BAZ2B: variants seen among roughly 807,000 people sequenced by gnomAD.
BAZ2B encodes bromodomain adjacent to zinc finger domain protein 2B.
BAZ2B carries 91 observed loss-of-function variants against 246.0 expected under a neutral mutation model. That is an observed-to-expected ratio of 0.37 (90% CI 0.31 to 0.44). The LOEUF (loss-of-function observed/expected upper bound fraction) is 0.44, where lower values mean the gene tolerates loss of function less well. BAZ2B is among the 20% of genes least tolerant of loss of function. BAZ2B has a pLI of 1.00. For synonymous variants in BAZ2B, 855 were observed against 860.0 expected (o/e 0.99, Z 0.10); for missense variants, 2,332 against 2,533.7 (o/e 0.92, Z 1.71).
intron 1 of BAZ2B, among the ~76,000 whole-genome samples, chr2:159,597,630 G>A (rs367817231): frequency 4.6e-5 from 7 of 152,116 alleles, no homozygotes; most frequent in Non-Finnish European, 8.8e-5. Context: ...AGGTTCAAGC[G>A]ATTCTCCTGC....
At chr2:159,390,924 C>T (rs1476978473) in intron 20 of BAZ2B, among the ~76,000 whole-genome samples, 1 of 151,982 alleles carries the variant, frequency 6.6e-6, no homozygotes, top group African/African-American at 2.4e-5. Flanking sequence ...TTAATTTTAC[C>T]AATTATAAAC....
At chr2:159,461,380 G>A (rs1168615005) in intron 3 of BAZ2B, 3 of 152,630 alleles carry the variant, frequency 2.0e-5, no homozygotes, top group Admixed American at 1.3e-4. Flanking sequence ...CTGAGGAAGA[G>A]TAATCTGAAA....
the BAZ2B span, among the ~76,000 whole-genome samples, chr2:159,692,210 A>G: frequency 1.3e-5 from 2 of 151,842 alleles, no homozygotes; most frequent in African/African-American, 4.8e-5. Context: ...GCTAGAGTGC[A>G]GTGGCACAAT....
intron 2 of BAZ2B, among the ~76,000 whole-genome samples, chr2:159,502,747 C>A (rs182663272): frequency 6.6e-6 from 1 of 152,272 alleles, no homozygotes; most frequent in East Asian, 1.9e-4. Context: ...GACTCTATAT[C>A]CAAGACCAAA....
At chr2:159,590,224 A>C (rs1442547030) in intron 1 of BAZ2B, among the ~76,000 whole-genome samples, 8 of 104,156 alleles carry the variant, frequency 7.7e-5, no homozygotes, top group Admixed American at 3.6e-4. Context: ...AAAAAAAAAA[A>C]AAAAAAACAA....
intron 2 of BAZ2B, among the ~76,000 whole-genome samples, chr2:159,481,404 A>G (rs1375933121): frequency 6.6e-6 from 1 of 151,524 alleles, no homozygotes; most frequent in East Asian, 1.9e-4. Context: ...CATCTACCCT[A>G]GAACTTAAAG....
chr2:159,446,774 C>A lies in BAZ2B; in HGVS notation c.696+8G>T. On this transcript the variant is annotated splice_region_variant and intron_variant, in intron 6 of 36. Coordinates refer to ENST00000392783, the MANE Select transcript of BAZ2B (RefSeq NM_013450.4). The stretch of plus-strand genomic sequence containing the variant: ...TGTTATATATTAGTCCTTCCAAGTA[C>A]AACTTACCTTATCTTTGATTTTGTC... 6.3e-7 allele frequency: 1 copy of A among 1,596,842 alleles called. No homozygotes were observed. The highest frequency in any genetic ancestry group is 1.7e-5 in the Admixed American group (1 of 58,428).
At chr2:159,492,092 A>T (rs974190979) in intron 2 of BAZ2B, among the ~76,000 whole-genome samples, 1 of 152,152 alleles carries the variant, frequency 6.6e-6, no homozygotes, top group Non-Finnish European at 1.5e-5. Flanking sequence ...TTATTTCTCA[A>T]AACTTACTTT....
the BAZ2B span, among the ~76,000 whole-genome samples, chr2:159,682,192 T>C: frequency 2.6e-5 from 2 of 75,576 alleles, no homozygotes; most frequent in Non-Finnish European, 6.6e-5. Context: ...GCTCAGGCTC[T>C]TTTTTTTTTT....
chr2:159,690,796 G>C, the BAZ2B span, among the ~76,000 whole-genome samples: 1 of 152,120 alleles, frequency 6.6e-6, no homozygotes, highest in African/African-American at 2.4e-5. Context: ...CCCTGCTCTA[G>C]GGTTTTCCAG....
chr2:159,560,891 T>C (rs1172497088), intron 1 of BAZ2B, among the ~76,000 whole-genome samples: 1 of 152,098 alleles, frequency 6.6e-6, no homozygotes, highest in Non-Finnish European at 1.5e-5. Flanking sequence ...TTATTCAGTA[T>C]GGAAAAAAAA....
intron 27 of BAZ2B, among the ~76,000 whole-genome samples, chr2:159,356,084 G>T (rs969945478): frequency 5.9e-5 from 9 of 152,214 alleles, no homozygotes; most frequent in African/African-American, 2.2e-4. Context: ...CACTGAGCTA[G>T]CTGCAAGAGT....
chr2:159,585,022 AGAACCAT>A (rs1219185235), intron 1 of BAZ2B, among the ~76,000 whole-genome samples: 1 of 152,232 alleles, frequency 6.6e-6, no homozygotes, highest in African/African-American at 2.4e-5. Context: ...TACAGCCTGC[AGAACCAT>A]AAGCCACTTA....
intron 2 of BAZ2B, among the ~76,000 whole-genome samples, chr2:159,499,476 A>G (rs550794369): frequency 1.3e-5 from 2 of 152,322 alleles, no homozygotes; most frequent in East Asian, 1.9e-4. Flanking sequence ...TAGTGCTGCA[A>G]TGAACATACA....
intron 13 of BAZ2B, among the ~76,000 whole-genome samples, chr2:159,420,553 A>T (rs2068568419): frequency 6.6e-6 from 1 of 152,146 alleles, no homozygotes; most frequent in African/African-American, 2.4e-5. Flanking sequence ...GAAAGAAATA[A>T]ACTTAAGGTC....
At chr2:159,513,327 T>C (rs1270794155) in intron 2 of BAZ2B, among the ~76,000 whole-genome samples, 1 of 152,234 alleles carries the variant, frequency 6.6e-6, no homozygotes, top group Non-Finnish European at 1.5e-5. Context: ...AATGCCAAGA[T>C]TCATTCAAGT....
chr2:159,503,575 T>A (rs753964798), intron 2 of BAZ2B, among the ~76,000 whole-genome samples: 5 of 152,110 alleles, frequency 3.3e-5, no homozygotes, highest in Non-Finnish European at 5.9e-5. Context: ...CCTTCTTCTT[T>A]TTTATTTATT....
At chr2:159,493,545 T>C (rs2080739590) in intron 2 of BAZ2B, among the ~76,000 whole-genome samples, 1 of 152,244 alleles carries the variant, frequency 6.6e-6, no homozygotes, top group Non-Finnish European at 1.5e-5. Context: ...GTTAGCTCTA[T>C]GAAGAAACTT....
chr2:159,521,674 T>C (rs1457373785), intron 2 of BAZ2B, among the ~76,000 whole-genome samples: 1 of 152,142 alleles, frequency 6.6e-6, no homozygotes, highest in Non-Finnish European at 1.5e-5. Flanking sequence ...AACTCTATAT[T>C]ACAATGTATT....
Sources: allele counts gnomAD v4.1 joint callset (sites outside exome capture counted in the v4.1 genomes callset), GRCh38; gene constraint gnomAD v4.1.1; transcripts MANE v1.5; gene names NCBI Gene and HGNC (gene_info 2026-07-23, HGNC 2026-07-21).